The following EHMT1 variants were observed in gnomAD, a reference collection of about 807,000 sequenced individuals.
The protein encoded by EHMT1 is histone-lysine N-methyltransferase EHMT1.
EHMT1 carries 15 observed loss-of-function variants against 147.2 expected under a neutral mutation model. The ratio of observed to expected loss-of-function variants is 0.10; its 90% CI spans 0.07 to 0.16. The LOEUF (loss-of-function observed/expected upper bound fraction) is 0.16. Among genes scored for constraint, EHMT1 ranks in the 10% least tolerant of loss-of-function variants. EHMT1 has a pLI of 1.00. For synonymous variants in EHMT1, 795 were observed against 709.6 expected, an observed-to-expected ratio of 1.12 and a Z score of -1.91; for missense variants, 1,587 against 1,772.4, an observed-to-expected ratio of 0.90 and a Z score of 1.88.
At position 137,716,856 on chromosome 9, in the gene EHMT1, C is replaced by G. The variant is rs144603232; in HGVS notation, c.316C>G (p.Gln106Glu). The G allele has an allele frequency of 8.7e-4, 1,403 of 1,613,286 alleles. 20 individuals are homozygous for G. In the African/African-American group the frequency reaches 0.016, roughly 19 times the overall value. Reference protein sequence around the residue: ...VSERDSEAAKQNHVTADDFVQ... With the variant: ...VSERDSEAAKENHVTADDFVQ... ...AGAAAGAGACTCAGAAGCGGCGAAG[C>G]AAAACCACGTCACTGCCGACGACTT... The change falls in exon 3 of 27, where the codon CAA becomes GAA. Residue 106 changes from glutamine (Q) to glutamate (E), a missense_variant. Coordinates refer to ENST00000460843, the MANE Select transcript of EHMT1 (RefSeq NM_024757.5).
In EHMT1 at chr9:137,803,175, A is replaced by C. The variant is rs989884205; in HGVS notation, c.2712+2191A>C. The C allele has an allele frequency of 1.2e-5, 15 of 1,217,322 alleles. No individual in the cohort carries two copies. In the South Asian group the frequency reaches 5.6e-4, roughly 45 times the overall value. 75.4% of individuals were successfully genotyped at this position (1,217,322 alleles called of 1,614,324 possible). A position where few individuals can be genotyped will look rare whatever the true frequency, so the allele number is the denominator to read the frequency against. ...TTCCCCCAGAATGGAAGCATTGATT[A>C]AATTTCAAGTTTGTTATTTATACAA... On this transcript the variant is annotated intron_variant, in intron 18 of 26. Coordinates refer to ENST00000460843, the MANE Select transcript of EHMT1 (RefSeq NM_024757.5).
intron 1 of EHMT1, among the ~76,000 whole-genome samples, chr9:137,695,559 A>G (rs941700577): frequency 1.3e-5 from 2 of 152,228 alleles, no homozygotes; most frequent in Admixed American, 6.5e-5. Context: ...TATTTTGGTC[A>G]ATGAGTCTCA....
rs1296231113 is a variant in EHMT1, at chr9:137,828,137, C to G, written c.3541-6212C>G. ...TGGCCCATGGGGGCGGCCCCTTTGTCTCTTGGGGCTACAGCCTGTGCTGTG... is the reference window on the plus strand; with the variant it reads ...TGGCCCATGGGGGCGGCCCCTTTGTGTCTTGGGGCTACAGCCTGTGCTGTG... On this transcript the variant is annotated intron_variant, in intron 25 of 26. Coordinates refer to ENST00000460843, the MANE Select transcript of EHMT1 (RefSeq NM_024757.5). This position sits in a 1 kb window ranked among gnomAD's most constrained non-coding sequence, Gnocchi z 5.3. Among the ~76,000 whole-genome samples the G allele has an allele frequency of 1.3e-5, 2 of 152,172 alleles. No individual in the cohort carries two copies. The highest frequency in any genetic ancestry group is 2.4e-5 in the African/African-American group (1 of 41,442).
At chr9:137,774,334 G>T (rs1950787123) in intron 10 of EHMT1, among the ~76,000 whole-genome samples, 1 of 152,200 alleles carries the variant, frequency 6.6e-6, no homozygotes, top group Non-Finnish European at 1.5e-5. Context: ...GGTGGATGTG[G>T]TCGCGTCTGG....
intron 24 of EHMT1, chr9:137,817,799 G>C (rs1955042357): frequency 3.2e-6 from 2 of 621,914 alleles, no homozygotes; most frequent in East Asian, 2.7e-5. Flanking sequence ...TCCAGCATGG[G>C]CAGTCATCTC....
chr9:137,805,761 C>T (rs180685359), intron 18 of EHMT1, among the ~76,000 whole-genome samples: 7 of 151,872 alleles, frequency 4.6e-5, no homozygotes, highest in African/African-American at 9.7e-5. Context: ...CTCCCGGGTT[C>T]GAGCTATTCT....
intron 7 of EHMT1, among the ~76,000 whole-genome samples, chr9:137,753,729 A>G (rs1035790370): frequency 2.0e-5 from 3 of 152,318 alleles, no homozygotes; most frequent in South Asian, 4.1e-4. Flanking sequence ...TTGAAATATT[A>G]TAAGTTAATT....
intron 6 of EHMT1, among the ~76,000 whole-genome samples, chr9:137,751,817 T>C (rs1948992119): frequency 6.6e-6 from 1 of 152,208 alleles, no homozygotes; most frequent in Non-Finnish European, 1.5e-5. Context: ...GGATGTTCAC[T>C]GGAAGGAGGC....
At chr9:137,704,279 C>T (rs997753428) in intron 1 of EHMT1, among the ~76,000 whole-genome samples, 1 of 152,148 alleles carries the variant, frequency 6.6e-6, no homozygotes. Flanking sequence ...GACCTCAGCT[C>T]TGCAGCCTGT....
chr9:137,817,766 G>A (rs986451069), intron 24 of EHMT1: 7 of 634,382 alleles, frequency 1.1e-5, no homozygotes, highest in East Asian at 2.7e-5. Context: ...TTAGGAAGGC[G>A]TGGTCCAGTT....
chr9:137,822,713 T>C (rs1279262067), intron 25 of EHMT1, among the ~76,000 whole-genome samples: 1 of 152,064 alleles, frequency 6.6e-6, no homozygotes, highest in South Asian at 2.1e-4. Flanking sequence ...ACCAACATGG[T>C]GAAACCCCGT....
chr9:137,826,646 G>A (rs144648680), intron 25 of EHMT1, among the ~76,000 whole-genome samples: 319 of 152,358 alleles, frequency 2.1e-3, no homozygotes, highest in Middle Eastern at 6.8e-3. Context: ...TTCTCACTGC[G>A]TGATAACCAG....
At chr9:137,778,180 T>G (rs923292096) in intron 13 of EHMT1, 125 bp downstream of exon 13, 2 of 1,255,010 alleles carry the variant, frequency 1.6e-6, no homozygotes, top group African/African-American at 3.0e-5. Flanking sequence ...GTTAGAATAA[T>G]TCGTATATTT....
At position 137,737,820 on chromosome 9, in the gene EHMT1, CTATG is replaced by C. The variant is rs1382932094; in HGVS notation, c.824-5549_824-5546del. On this transcript the variant is annotated intron_variant, in intron 4 of 26. Coordinates refer to ENST00000460843, the MANE Select transcript of EHMT1 (RefSeq NM_024757.5). ...GAGTAGGAGAAAATATCTGCAAATC[CTATG>C]TCTGATGAGGAATTACTACCCAAAA... Among the ~76,000 whole-genome samples the C allele has an allele frequency of 4.6e-5, 7 of 152,254 alleles. No homozygotes were observed. In the East Asian group the frequency reaches 1.4e-3, roughly 29 times the overall value.
chr9:137,796,703 CAAAA>C (rs11449759), intron 16 of EHMT1, among the ~76,000 whole-genome samples: 2 of 85,848 alleles, frequency 2.3e-5, no homozygotes, highest in African/African-American at 1.0e-4. Context: ...GACTCCATCT[CAAAA>C]AAAAAAAAAA....
chr9:137,620,571 T>G (rs192028891), intron 1 of EHMT1, among the ~76,000 whole-genome samples: 3 of 152,270 alleles, frequency 2.0e-5, no homozygotes, highest in African/African-American at 7.2e-5. Context: ...TGTATTTTTT[T>G]GGTAGAGACC....
chr9:137,739,017 C>G (rs1171891505), intron 4 of EHMT1, among the ~76,000 whole-genome samples: 1 of 151,698 alleles, frequency 6.6e-6, no homozygotes. Flanking sequence ...TACCATGGAA[C>G]CGTGCACTTA....
intron 1 of EHMT1, among the ~76,000 whole-genome samples, chr9:137,663,128 G>C (rs571802006): frequency 1.3e-5 from 2 of 152,298 alleles, no homozygotes; most frequent in African/African-American, 4.8e-5. Flanking sequence ...TTATTGTATA[G>C]ATATCCACTC....
chr9:137,717,261 T>A, intron 3 of EHMT1, 79 bp downstream of exon 3: 1 of 1,542,064 alleles, frequency 6.5e-7, no homozygotes, highest in East Asian at 2.3e-5. Context: ...TTTGGTGCAT[T>A]GAGGAGAAGC....
Sources: allele counts gnomAD v4.1 joint callset (sites outside exome capture counted in the v4.1 genomes callset), GRCh38; gene constraint gnomAD v4.1.1; non-coding constraint Gnocchi (gnomAD v3.1); transcripts MANE v1.5; gene names NCBI Gene and HGNC (gene_info 2026-07-23, HGNC 2026-07-21).